The following RFX3 variants were observed in gnomAD, a reference collection of about 807,000 sequenced individuals.
RFX3 encodes transcription factor RFX3.
RFX3 carries 14 observed loss-of-function variants against 98.6 expected under a neutral mutation model. That is an observed-to-expected ratio of 0.14 (90% confidence interval 0.09 to 0.22). The LOEUF is 0.22. RFX3 is among the 10% of genes least tolerant of loss of function. The pLI is 1.00. For synonymous variants in RFX3, 383 were observed against 328.4 expected (o/e 1.17, Z -1.80); for missense variants, 639 against 926.9 (o/e 0.69, Z 4.03).
intron 1 of RFX3, among the ~76,000 whole-genome samples, chr9:3,429,768 A>T (rs376737898): frequency 6.6e-5 from 10 of 152,314 alleles, no homozygotes; most frequent in African/African-American, 2.4e-4. Context: ...TATATAGCAG[A>T]TGTATCTTAG....
chr9:3,348,144 C>T (rs1310909241), intron 2 of RFX3, among the ~76,000 whole-genome samples: 1 of 152,130 alleles, frequency 6.6e-6, no homozygotes, highest in Non-Finnish European at 1.5e-5. Flanking sequence ...ATTCAAGAAA[C>T]TGGGTCATTT....
At chr9:3,325,745 A>T (rs1442613394) in intron 4 of RFX3, among the ~76,000 whole-genome samples, 1 of 152,168 alleles carries the variant, frequency 6.6e-6, no homozygotes, top group African/African-American at 2.4e-5. Flanking sequence ...ACCAAAAAAA[A>T]TCACTAACTA....
At chr9:3,323,537 AG>A (rs1831544825) in intron 4 of RFX3, among the ~76,000 whole-genome samples, 1 of 152,064 alleles carries the variant, frequency 6.6e-6, no homozygotes, top group Non-Finnish European at 1.5e-5. Flanking sequence ...ATCAAGCAAA[AG>A]ATATATAAGA....
At chr9:3,485,048 G>C (rs922646080) in intron 1 of RFX3, among the ~76,000 whole-genome samples, 1 of 152,156 alleles carries the variant, frequency 6.6e-6, no homozygotes, top group African/African-American at 2.4e-5. Flanking sequence ...GGAGTTCAAG[G>C]CTTCAGTGAA....
rs556809610 is a variant in RFX3 at position 3,375,773 on chromosome 9, A to G, written c.117+19699T>C. ...CAGGAGATCGAGACCATCCTGGCTA[A>G]CACGGTGAAACCCCGCCTCTACTAA... On this transcript the variant is annotated intron_variant, in intron 2 of 16. Transcript: ENST00000617270. Among the ~76,000 whole-genome samples, 744 of 152,200 alleles carry G rather than the reference A, an allele frequency of 4.9e-3. 2 individuals are homozygous for G. Among genetic ancestry groups the G allele is most frequent in the Non-Finnish European group, 8.8e-3 (597 of 67,982 alleles).
chr9:3,498,575 C>T (rs140085525), intron 1 of RFX3, among the ~76,000 whole-genome samples: 10 of 152,114 alleles, frequency 6.6e-5, no homozygotes, highest in Non-Finnish European at 1.3e-4. Context: ...AACTTCTTTA[C>T]GTGATATCCT....
At chr9:3,516,191 G>A (rs995283951) in intron 1 of RFX3, among the ~76,000 whole-genome samples, 10 of 152,054 alleles carry the variant, frequency 6.6e-5, no homozygotes, top group Middle Eastern at 3.4e-3. Context: ...TAGGACTACA[G>A]GCGCCCGCCA....
At chr9:3,270,634 A>G in intron 10 of RFX3, 109 bp from the exon 11 acceptor site, 1 of 1,092,478 alleles carries the variant, frequency 9.2e-7, no homozygotes, top group Non-Finnish European at 1.3e-6. Flanking sequence ...TTAGAACTAT[A>G]CCACCATTGC....
chr9:3,300,107 G>A (rs180735353), intron 5 of RFX3, among the ~76,000 whole-genome samples: 11 of 150,222 alleles, frequency 7.3e-5, no homozygotes, highest in East Asian at 5.9e-4. Context: ...ATCACCCCCC[G>A]GACACACACA....
chr9:3,366,701 T>TCTTTCTTTCTTTCTTTCTTTC (rs1837172749), intron 2 of RFX3, among the ~76,000 whole-genome samples: 1 of 99,836 alleles, frequency 1.0e-5, no homozygotes, highest in African/African-American at 4.1e-5. Flanking sequence ...TTCCTTTCTT[T>TCTTTCTTTCTTTCTTTCTTTC]CTTTCTTTCT....
chr9:3,469,843 C>T (rs1848617897), intron 1 of RFX3, among the ~76,000 whole-genome samples: 1 of 145,284 alleles, frequency 6.9e-6, no homozygotes, highest in African/African-American at 2.6e-5. Flanking sequence ...GTGACTCCGT[C>T]TCAAAAAAAA....
chr9:3,353,171 G>A (rs1379815440), intron 2 of RFX3, among the ~76,000 whole-genome samples: 2 of 147,096 alleles, frequency 1.4e-5, no homozygotes, highest in Non-Finnish European at 3.0e-5. Flanking sequence ...CACAGGAAGG[G>A]GAACATCACA....
intron 1 of RFX3, chr9:3,452,355 C>T: frequency 9.1e-6 from 3 of 328,350 alleles, no homozygotes; most frequent in Non-Finnish European, 2.0e-5. Context: ...CTTTGGGAGG[C>T]CAAGGCAGGA....
At chr9:3,501,377 T>G (rs1038515465) in intron 1 of RFX3, among the ~76,000 whole-genome samples, 1 of 152,096 alleles carries the variant, frequency 6.6e-6, no homozygotes, top group Non-Finnish European at 1.5e-5. Flanking sequence ...AATACTTTTC[T>G]GTACACATGT....
At chr9:3,471,258 CCTAA>C (rs1424960033) in intron 1 of RFX3, among the ~76,000 whole-genome samples, 1 of 152,124 alleles carries the variant, frequency 6.6e-6, no homozygotes, top group Admixed American at 6.6e-5. Context: ...TCACCTGTTC[CCTAA>C]CTTTGTCCTC....
chr9:3,516,976 A>T (rs541834012), intron 1 of RFX3, among the ~76,000 whole-genome samples: 2 of 152,198 alleles, frequency 1.3e-5, no homozygotes, highest in Non-Finnish European at 2.9e-5. Flanking sequence ...AAATGGTGGA[A>T]CCTTCTGAGA....
intron 2 of RFX3, among the ~76,000 whole-genome samples, chr9:3,381,967 G>A (rs796740403): frequency 2.0e-5 from 3 of 152,086 alleles, no homozygotes; most frequent in African/African-American, 4.8e-5. Flanking sequence ...ACTGGAGCTC[G>A]TTCCACTTTT....
chr9:3,282,261 G>A (rs1826008028), intron 7 of RFX3, among the ~76,000 whole-genome samples: 1 of 151,700 alleles, frequency 6.6e-6, no homozygotes, highest in South Asian at 2.1e-4. Context: ...TAGAATAGTA[G>A]CTAATTTTGA....
intron 1 of RFX3, among the ~76,000 whole-genome samples, chr9:3,477,489 A>T (rs539969103): frequency 1.3e-5 from 2 of 152,304 alleles, no homozygotes; most frequent in South Asian, 4.1e-4. Flanking sequence ...TTTACTTTCA[A>T]TGTTGAAAAT....
Sources: allele counts gnomAD v4.1 joint callset (sites outside exome capture counted in the v4.1 genomes callset), GRCh38; gene constraint gnomAD v4.1.1; transcripts MANE v1.5; gene names NCBI Gene and HGNC (gene_info 2026-07-23, HGNC 2026-07-21).